DST: variants seen among roughly 807,000 people sequenced by gnomAD.
The protein encoded by DST is dystonin.
Under a neutral mutation model 875.2 loss-of-function variants are expected in DST, and 253 were observed. The observed-to-expected ratio is 0.29, with a 90% CI of 0.26 to 0.32. DST has a LOEUF of 0.32. DST is among the 10% of genes least tolerant of loss of function. The pLI is 1.00. For missense variants in DST, 8,287 were observed against 9,111.6 expected (o/e 0.91, Z 3.68); for synonymous variants, 3,124 against 3,197.1 (o/e 0.98, Z 0.77).
chr6:56,872,711 T>G (rs972908484), intron 3 of DST, among the ~76,000 whole-genome samples: 9 of 152,198 alleles, frequency 5.9e-5, no homozygotes, highest in Admixed American at 6.5e-5. Flanking sequence ...TACCAAGATC[T>G]TAGCTTTTGT....
chr6:56,698,317 T>TA (rs1227393020), intron 9 of DST, among the ~76,000 whole-genome samples: 30 of 149,332 alleles, frequency 2.0e-4, no homozygotes, highest in East Asian at 7.8e-4. Flanking sequence ...TCAGCCAACT[T>TA]AAAAAAAAAA....
At chr6:56,523,773 AT>A (rs1276212202) in intron 69 of DST, among the ~76,000 whole-genome samples, 5 of 152,138 alleles carry the variant, frequency 3.3e-5, no homozygotes, top group Non-Finnish European at 1.5e-5. Context: ...AAATTTTAAA[AT>A]TGTTAAGTAT....
Position 56,608,229 on chromosome 6 carries a change from G to A in DST, c.6399C>T (p.Asn2133=). The change falls in exon 40 of 104, where the codon AAC becomes AAT. Residue 2133 remains asparagine (N), a synonymous_variant. Coordinates refer to ENST00000680361, the MANE Select transcript of DST (RefSeq NM_001374736.1). ...TTATATTTTTTAAAATTGATGCTGTGTTGTTGTCTATAATTCCTAGCTGTT... is the reference window on the plus strand; with the variant it reads ...TTATATTTTTTAAAATTGATGCTGTATTGTTGTCTATAATTCCTAGCTGTT... The part of the protein sequence containing the change: ...AAKQLGIIDN[N]TASILKNITL... The A allele has an allele frequency of 6.2e-7, 1 of 1,613,630 alleles. No individual in the cohort carries two copies. The highest frequency in any genetic ancestry group is 8.5e-7 in the Non-Finnish European group (1 of 1,179,738).
intron 49 of DST, among the ~76,000 whole-genome samples, chr6:56,584,119 A>G (rs1309024673): frequency 1.3e-5 from 2 of 152,050 alleles, no homozygotes; most frequent in East Asian, 1.9e-4. Context: ...GTTTTTTCCA[A>G]TTCTGTGAAG....
chr6:56,610,291 T>G (rs760884393), intron 39 of DST, 136 bp downstream of exon 39: 1 of 657,428 alleles, frequency 1.5e-6, no homozygotes, highest in Non-Finnish European at 2.4e-6. Flanking sequence ...TCTCCAAACA[T>G]TTAAATAAAC....
intron 5 of DST, among the ~76,000 whole-genome samples, chr6:56,704,864 G>C (rs2099327137): frequency 6.6e-6 from 1 of 152,146 alleles, no homozygotes; most frequent in African/African-American, 2.4e-5. Flanking sequence ...AATATCTTAT[G>C]AGCCTATAAT....
chr6:56,913,145 T>C (rs1353551706), intron 2 of DST, among the ~76,000 whole-genome samples: 1 of 152,198 alleles, frequency 6.6e-6, no homozygotes, highest in Non-Finnish European at 1.5e-5. Context: ...TTTCCAGCAT[T>C]GTTCAGCTCC....
At chr6:56,546,383 TATATATAA>T (rs568350562) in intron 61 of DST, among the ~76,000 whole-genome samples, 2 of 117,148 alleles carry the variant, frequency 1.7e-5, no homozygotes, top group South Asian at 2.7e-4. Flanking sequence ...TATATATATA[TATATATAA>T]ATGTCAAAAA....
chr6:56,465,184 C>A (rs1204505161), intron 99 of DST, among the ~76,000 whole-genome samples: 1 of 152,254 alleles, frequency 6.6e-6, no homozygotes, highest in East Asian at 1.9e-4. Context: ...AGCCTGATGA[C>A]TGATATGTCT....
At chr6:56,600,962 T>C (rs965086942) in intron 44 of DST, among the ~76,000 whole-genome samples, 3 of 152,072 alleles carry the variant, frequency 2.0e-5, no homozygotes, top group Non-Finnish European at 4.4e-5. Flanking sequence ...AGCGCTATTG[T>C]TATTTCCAAT....
At chr6:56,880,064 T>C (rs1443069300) in intron 3 of DST, among the ~76,000 whole-genome samples, 10 of 152,256 alleles carry the variant, frequency 6.6e-5, no homozygotes, top group Admixed American at 5.9e-4. Context: ...GAAAGGTACT[T>C]TGGATATGTA....
In DST at chr6:56,630,337, C is replaced by T. The variant is rs745707951; in HGVS notation, c.4189G>A (p.Ala1397Thr). Residue 1397 changes from alanine to threonine, a missense_variant, in exon 31 of 104, where the codon GCC (alanine) becomes ACC (threonine). Coordinates refer to ENST00000680361, the MANE Select transcript of DST (RefSeq NM_001374736.1). ...TTAGTTTCATAGAGTTTTACGAGGG[C>T]TTCTGCAGCTTGAGTGTTTTTTAAC... is the stretch of plus-strand genomic sequence containing the variant. ...LVLKNTQAAE[A>T]LVKLYETKLC... 5.0e-6 allele frequency: 8 copies of T among 1,612,804 alleles called. No individual in the cohort carries two copies. In the African/African-American group the frequency reaches 1.1e-4, roughly 22 times the overall value.
At chr6:56,912,966 AAT>A (rs1230407529) in intron 2 of DST, among the ~76,000 whole-genome samples, 1 of 152,182 alleles carries the variant, frequency 6.6e-6, no homozygotes, top group African/African-American at 2.4e-5. Context: ...CTGGTGGCAA[AAT>A]CAAATTTATA....
At chr6:56,810,260 T>C (rs770905832) in intron 4 of DST, among the ~76,000 whole-genome samples, 1 of 152,164 alleles carries the variant, frequency 6.6e-6, no homozygotes, top group African/African-American at 2.4e-5. Context: ...CAGTGAGCTA[T>C]GACTGTGCCA....
At chr6:56,618,399 T>C (rs772568393) in intron 36 of DST, 1 of 1,614,212 alleles carries the variant, frequency 6.2e-7, no homozygotes, top group Non-Finnish European at 8.5e-7. Context: ...AAATCTGGTT[T>C]GAAGGTACAG....
At chr6:56,945,730 G>C (rs1254906098) in intron 2 of DST, 1 of 152,048 alleles carries the variant, frequency 6.6e-6, no homozygotes, top group Non-Finnish European at 1.5e-5. Flanking sequence ...CCAGAAAGTA[G>C]TGCTTGGTTG....
At chr6:56,638,098 A>G (rs1328784216) in intron 22 of DST, among the ~76,000 whole-genome samples, 1 of 148,090 alleles carries the variant, frequency 6.8e-6, no homozygotes, top group Admixed American at 6.6e-5. Flanking sequence ...ACTTCTTAAG[A>G]AATTTTTTAT....
Position 56,506,766 on chromosome 6 carries a change from T to C in DST, c.19263A>G (p.Gly6421=). Residue 6421 remains glycine, a synonymous_variant, in exon 76 of 104, where the codon GGA becomes GGG. Coordinates refer to ENST00000680361, the MANE Select transcript of DST (RefSeq NM_001374736.1). ...AAETIREEID[G]LQEELDIVIN... ...TAACTATATCCAGCTCCTCCTGTAG[T>C]CCATCTATTTCTTCCCTTATGGTCT... 6.2e-7 allele frequency: 1 copy of C among 1,612,640 alleles called. No homozygotes were observed. Among genetic ancestry groups the C allele is most frequent in the African/African-American group, 1.3e-5 (1 of 74,970 alleles).
intron 2 of DST, among the ~76,000 whole-genome samples, chr6:56,925,795 A>G (rs1446858998): frequency 1.3e-5 from 2 of 152,156 alleles, no homozygotes; most frequent in Admixed American, 6.5e-5. Flanking sequence ...AGGTCATCTT[A>G]TCTCCCAATG....
Sources: allele counts gnomAD v4.1 joint callset (sites outside exome capture counted in the v4.1 genomes callset), GRCh38; gene constraint gnomAD v4.1.1; transcripts MANE v1.5; gene names NCBI Gene and HGNC (gene_info 2026-07-23, HGNC 2026-07-21).